Variants in NAV2 observed in about 807,000 individuals in gnomAD.
NAV2 encodes helicase, APC down-regulated 1.
A neutral mutation model predicts 223.2 loss-of-function variants in NAV2; 54 were observed. The observed-to-expected ratio is 0.24, with a 90% CI of 0.19 to 0.30. The LOEUF (loss-of-function observed/expected upper bound fraction) is 0.30, where lower values mean the gene tolerates loss of function less well. Among genes scored for constraint, NAV2 ranks in the 10% least tolerant of loss-of-function variants. The probability of loss-of-function intolerance (pLI) is 1.00; values close to 1 mark genes in which losing one functional copy is unlikely to be tolerated. For missense variants in NAV2, 2,806 were observed against 3,147.5 expected (o/e 0.89, Z 2.60); for synonymous variants, 1,279 against 1,239.3 (o/e 1.03, Z -0.67).
At chr11:19,628,131 G>A (rs1416136969) in intron 1 of NAV2, among the ~76,000 whole-genome samples, 1 of 152,108 alleles carries the variant, frequency 6.6e-6, no homozygotes, top group Non-Finnish European at 1.5e-5. Flanking sequence ...CTCCCACTCT[G>A]GCCCCAGGGT....
At chr11:19,355,522 C>T (rs1412597974) in intron 1 of NAV2, among the ~76,000 whole-genome samples, 2 of 152,126 alleles carry the variant, frequency 1.3e-5, no homozygotes, top group Non-Finnish European at 2.9e-5. Flanking sequence ...TTATTAATGG[C>T]ATTCCCAATT....
At chr11:19,577,247 C>T (rs747435546) in intron 1 of NAV2, among the ~76,000 whole-genome samples, 9 of 152,232 alleles carry the variant, frequency 5.9e-5, no homozygotes, top group Non-Finnish European at 1.2e-4. Context: ...TGCTAACTGG[C>T]GAAAGCCAAA....
chr11:19,724,892 C>T (rs2051107389), intron 1 of NAV2, among the ~76,000 whole-genome samples: 1 of 152,310 alleles, frequency 6.6e-6, no homozygotes, highest in East Asian at 1.9e-4. Context: ...TCTCACCTTC[C>T]TAATGCTAGG....
chr11:19,665,457 G>T (rs1378721920), intron 1 of NAV2, among the ~76,000 whole-genome samples: 1 of 152,156 alleles, frequency 6.6e-6, no homozygotes, highest in Non-Finnish European at 1.5e-5. Context: ...CCTCCCCATG[G>T]CAGCTCTGCT....
Position 19,839,894 on chromosome 11 carries a change from T to C in NAV2, c.386-2977T>C, listed in dbSNP as rs571707156. ...TAAGGATGCCAGTTTTAATCACAGA[T>C]GAGGACTTTGGGGATAAGTGCCTTT... is the stretch of plus-strand genomic sequence containing the variant. On this transcript the variant is annotated intron_variant, in intron 2 of 37. Transcript: ENST00000349880. Among the ~76,000 whole-genome samples the C allele has an allele frequency of 1.3e-5, 2 of 152,340 alleles. 1 individual carries two copies. The highest frequency in any genetic ancestry group is 4.8e-5 in the African/African-American group (2 of 41,588).
Position 20,030,102 on chromosome 11 carries a change from G to T in NAV2, c.2769-5857G>T, listed in dbSNP as rs370646623. 2.6e-5 allele frequency among the ~76,000 whole-genome samples: 4 copies of T among 152,294 alleles called. 1 individual carries two copies. The South Asian group carries it at 8.3e-4, about 32-fold the overall frequency. On this transcript the variant is annotated intron_variant, in intron 11 of 37. Coordinates refer to ENST00000349880, the MANE Select transcript of NAV2 (RefSeq NM_145117.5). The stretch of plus-strand genomic sequence containing the variant: ...TCCTGTTAGTTTCCAGGAGGAGGCC[G>T]TGGGGTTGTTTTGCTTATTTCCCAA...
At chr11:19,568,104 A>C (rs2045324892) in intron 1 of NAV2, among the ~76,000 whole-genome samples, 1 of 152,208 alleles carries the variant, frequency 6.6e-6, no homozygotes, top group Admixed American at 6.5e-5. Context: ...AACATGAATG[A>C]GCAAGTCAGA....
intron 1 of NAV2, among the ~76,000 whole-genome samples, chr11:19,510,165 T>C (rs1179015850): frequency 6.6e-6 from 1 of 152,208 alleles, no homozygotes; most frequent in Non-Finnish European, 1.5e-5. Context: ...GGAGTGGTTG[T>C]GGATCTGTGA....
At chr11:19,534,790 T>C (rs554901349) in intron 1 of NAV2, among the ~76,000 whole-genome samples, 4 of 152,082 alleles carry the variant, frequency 2.6e-5, no homozygotes, top group Non-Finnish European at 4.4e-5. Flanking sequence ...CCCTAACCTA[T>C]AGCAAACAGG....
chr11:19,617,018 T>C (rs1379601105), intron 1 of NAV2, among the ~76,000 whole-genome samples: 2 of 152,132 alleles, frequency 1.3e-5, no homozygotes, highest in Non-Finnish European at 2.9e-5. Flanking sequence ...CAGGCTCATT[T>C]GGGGGCCTAA....
chr11:19,382,303 C>CCCATGCTGAATGAGAGCCTGGAATTGTTG (rs1226416649), intron 1 of NAV2, among the ~76,000 whole-genome samples: 1 of 152,124 alleles, frequency 6.6e-6, no homozygotes, highest in African/African-American at 2.4e-5. Flanking sequence ...TTTCTTTCGG[C>CCCATGCTGAATGAGAGCCTGGAATTGTTG]CCATGCTGAA....
intron 37 of NAV2, among the ~76,000 whole-genome samples, chr11:20,116,262 TA>T (rs1358103834): frequency 2.0e-5 from 3 of 152,140 alleles, no homozygotes; most frequent in Non-Finnish European, 2.9e-5. Flanking sequence ...GTCCCTAGAT[TA>T]AAAAAATAAT....
chr11:19,748,488 C>T (rs1183167688), intron 1 of NAV2, among the ~76,000 whole-genome samples: 1 of 152,174 alleles, frequency 6.6e-6, no homozygotes, highest in Non-Finnish European at 1.5e-5. Flanking sequence ...TTTTGAATCT[C>T]ATTTTCCTTA....
intron 1 of NAV2, among the ~76,000 whole-genome samples, chr11:19,357,772 T>C (rs759173790): frequency 6.6e-6 from 1 of 152,244 alleles, no homozygotes; most frequent in Non-Finnish European, 1.5e-5. Context: ...TCTTCCTTTA[T>C]GTAGCAATCC....
rs185613222 is a variant in NAV2, at chr11:19,669,312, A to G, written c.76-163172A>G. ...ATTTCATCTCACTGAATACTTTCCC[A>G]TTCCAAAGCCTCAGATGGCCTTTCT... On this transcript the variant is annotated intron_variant, in intron 1 of 37. Coordinates refer to the NAV2 transcript ENST00000360655. 4.6e-5 allele frequency among the ~76,000 whole-genome samples: 7 copies of G among 152,310 alleles called. 1 individual carries two copies. The East Asian group carries it at 1.4e-3, about 29-fold the overall frequency.
intron 1 of NAV2, among the ~76,000 whole-genome samples, chr11:19,427,622 G>A (rs1442094522): frequency 6.6e-6 from 1 of 152,154 alleles, no homozygotes; most frequent in East Asian, 1.9e-4. Context: ...TTTAATTTCT[G>A]GGATGGGGGT....
At chr11:19,807,372 T>C (rs1303357730) in intron 1 of NAV2, among the ~76,000 whole-genome samples, 1 of 152,224 alleles carries the variant, frequency 6.6e-6, no homozygotes, top group African/African-American at 2.4e-5. Context: ...AAGACAAAGA[T>C]GCTTATTTAG....
At chr11:19,855,017 T>G (rs1590899581) in intron 3 of NAV2, among the ~76,000 whole-genome samples, 1 of 152,154 alleles carries the variant, frequency 6.6e-6, no homozygotes, top group East Asian at 1.9e-4. Context: ...ACAGAACACT[T>G]CCTATTGTGT....
rs186299376 is a variant in NAV2 at position 19,945,562 on chromosome 11, C to T, written c.2147-839C>T. On this transcript the variant is annotated intron_variant, in intron 8 of 37. Coordinates refer to ENST00000349880, the MANE Select transcript of NAV2 (RefSeq NM_145117.5). ...GTTTTGCCATGTTTCCCAGGCTGGTCTTGAACTCCTGGGCTCAAGCGATCT... is the reference window on the plus strand; with the variant it reads ...GTTTTGCCATGTTTCCCAGGCTGGTTTTGAACTCCTGGGCTCAAGCGATCT... Among the ~76,000 whole-genome samples, 7 of 152,292 alleles carry T rather than the reference C, an allele frequency of 4.6e-5. No homozygotes were observed. In the East Asian group the frequency reaches 1.2e-3, roughly 25 times the overall value.
Sources: gnomAD v4.1 joint callset for allele counts (sites outside exome capture counted in the v4.1 genomes callset) on GRCh38, gnomAD v4.1.1 for gene constraint, MANE v1.5 for transcripts, NCBI Gene and HGNC (gene_info 2026-07-23, HGNC 2026-07-21) for gene names.